SPATA2L: variants seen among roughly 807,000 people sequenced by gnomAD.
SPATA2L encodes the protein spermatogenesis associated 2 like.
SPATA2L carries 5 observed loss-of-function variants against 8.7 expected under a neutral mutation model. The ratio of observed to expected loss-of-function variants is 0.57; its 90% CI spans 0.30 to 1.21. The LOEUF (loss-of-function observed/expected upper bound fraction) is 1.21, where lower values mean the gene tolerates loss of function less well. SPATA2L is among the 50% of genes most tolerant of loss of function. The pLI is 0.07. For missense variants in SPATA2L, 671 were observed against 591.0 expected (o/e 1.14, Z -1.40); for synonymous variants, 358 against 275.8 (o/e 1.30, Z -2.95).
At chr16:89,699,845 C>T (rs370443431) in intron 2 of SPATA2L, among the ~76,000 whole-genome samples, 2 of 152,216 alleles carry the variant, frequency 1.3e-5, no homozygotes, top group Non-Finnish European at 2.9e-5. Flanking sequence ...CCACCGCGCC[C>T]GGCCTGGCTG....
rs771975034 is a variant in SPATA2L, at chr16:89,697,678, A to G, written c.931T>C (p.Ser311Pro). The change falls in exon 3 of 3, where the codon TCT (serine) becomes CCT (proline). Residue 311 changes from serine (S) to proline (P), a missense_variant. By Grantham distance (74) the Ser-to-Pro change is moderately conservative. Transcript: ENST00000289805. ...GGCCTACTCAGCTCACGGCGCAGAG[A>G]GAGGAAGGAGAAGGCGGAAGGTTCA... ...EPEPSAFSFL[S>P]LRRELSRPGD... 9 of 1,611,594 alleles carry G rather than the reference A, an allele frequency of 5.6e-6. No individual in the cohort carries two copies. The Admixed American group carries it at 1.3e-4, about 24-fold the overall frequency.
chr16:89,696,513 T>C lies in SPATA2L; in HGVS notation c.*821A>G, dbSNP rs465552. The C allele has an allele frequency of 0.99, 393,915 of 398,872 alleles. 194,568 individuals carry two copies. Among genetic ancestry groups the C allele is most frequent in the East Asian group, 1 (24,608 of 24,608 alleles). The allele number at this position is 398,872 out of a possible 1,614,324, so 24.7% of individuals were successfully genotyped here. The stretch of plus-strand genomic sequence containing the variant: ...CTGTCACAGTGGATGCACCCTGCCC[T>C]CTCCCTCGCCAGACCCGAGGGTAGG... On this transcript the variant is annotated 3_prime_UTR_variant, in exon 3 of 3. Coordinates refer to ENST00000289805, the MANE Select transcript of SPATA2L (RefSeq NM_152339.4).
chr16:89,697,848 G>A lies in SPATA2L; in HGVS notation c.761C>T (p.Pro254Leu), dbSNP rs1271711854. 14 of 1,609,542 alleles carry A rather than the reference G, an allele frequency of 8.7e-6. No individual in the cohort carries two copies. Among genetic ancestry groups the A allele is most frequent in the South Asian group, 6.6e-5 (6 of 90,706 alleles). The change falls in exon 3 of 3, where the codon CCG (proline) becomes CTG (leucine). Residue 254 changes from proline (P) to leucine (L), a missense_variant. Physicochemically the swap from Pro to Leu is moderately conservative, Grantham distance 98. Coordinates refer to ENST00000289805, the MANE Select transcript of SPATA2L (RefSeq NM_152339.4). ...TGGTGGCCTGTAGGCCAGCTCCGCC[G>A]GGGGCGAGTCAGGGCCTGGTGACGG... ...GEPSPGPDSPPAELAYRPPLW... is the reference protein window; with the variant it reads ...GEPSPGPDSPLAELAYRPPLW...
Position 89,698,251 on chromosome 16 carries a change from G to A in SPATA2L, c.358C>T (p.Leu120Phe). 6.2e-7 allele frequency: 1 copy of A among 1,606,324 alleles called. No individual in the cohort carries two copies. Among genetic ancestry groups the A allele is most frequent in the Non-Finnish European group, 8.5e-7 (1 of 1,175,530 alleles). ...CCCATCTTCTGGAAGCTCTTCAGGA[G>A]GAGGTCGTCTGAGAGCACACCCTTC... ...VLKGVLSDDL[L>F]LKSFQKMGYV... The change falls in exon 3 of 3, where the codon CTC (leucine) becomes TTC (phenylalanine). Residue 120 changes from leucine to phenylalanine, a missense_variant. Transcript: ENST00000289805.
chr16:89,698,080 G>A lies in SPATA2L; in HGVS notation c.529C>T (p.Leu177=), dbSNP rs2060748579. ...EVLAQLGTSV[L]PAEELLQARR... ...GCCTGCAGCAGCTCCTCAGCTGGCA[G>A]CACACTGGTGCCCAGCTGGGCCAGC... Residue 177 remains leucine, a synonymous_variant, in exon 3 of 3, where the codon CTG becomes TTG. Coordinates refer to ENST00000289805, the MANE Select transcript of SPATA2L (RefSeq NM_152339.4). 2 of 1,599,538 alleles carry A rather than the reference G, an allele frequency of 1.3e-6. No homozygotes were observed. Among genetic ancestry groups the A allele is most frequent in the Non-Finnish European group, 1.7e-6 (2 of 1,175,174 alleles).
Position 89,697,526 on chromosome 16 carries a change from C to G in SPATA2L, c.1083G>C (p.Leu361=), listed in dbSNP as rs761759856. 2 of 1,593,228 alleles carry G rather than the reference C, an allele frequency of 1.3e-6. No homozygotes were observed. The highest frequency in any genetic ancestry group is 1.1e-5 in the South Asian group (1 of 89,616). ...EPPGYQAHSC[L]SPGALPTLCC... ...AGAGGGTGGGCAGGGCGCCAGGGGA[C>G]AGGCAGCTGTGTGCCTGGTAGCCTG... Residue 361 remains leucine (L), a synonymous_variant, in exon 3 of 3, where the codon CTG becomes CTC. Coordinates refer to ENST00000289805, the MANE Select transcript of SPATA2L (RefSeq NM_152339.4).
In SPATA2L at chr16:89,697,390, G is replaced by T; in HGVS notation, c.1219C>A (p.Leu407Ile). Residue 407 changes from leucine (L) to isoleucine (I), a missense_variant, in exon 3 of 3, where the codon CTA becomes ATA. Coordinates refer to ENST00000289805, the MANE Select transcript of SPATA2L (RefSeq NM_152339.4). ...LLGDAQRRLW[L>I]QRAQMDTLLY... ...AGAGTGTCCATCTGTGCACGCTGTA[G>T]CCACAAGCGCCGCTGGGCGTCGCCA... The T allele has an allele frequency of 1.3e-6, 2 of 1,593,366 alleles. No individual in the cohort carries two copies. Among genetic ancestry groups the T allele is most frequent in the Middle Eastern group, 1.8e-4 (1 of 5,494 alleles).
rs143389215 is a variant in SPATA2L at position 89,697,628 on chromosome 16, G to A, written c.981C>T (p.Ser327=). 6 of 1,606,692 alleles carry A rather than the reference G, an allele frequency of 3.7e-6. No individual in the cohort carries two copies. The African/African-American group carries it at 6.7e-5, about 18-fold the overall frequency. The part of the protein sequence containing the change: ...SRPGDLATPE[S]SAAASPRRIR... Reference sequence around the variant, plus strand: ...TACGCCTCGGGCTGGCCGCTGCAGAGCTTTCAGGGGTGGCCAGGTCCCCAG... The same window carrying A: ...TACGCCTCGGGCTGGCCGCTGCAGAACTTTCAGGGGTGGCCAGGTCCCCAG... The change falls in exon 3 of 3, where the codon AGC becomes AGT. Residue 327 remains serine, a synonymous_variant. Coordinates refer to ENST00000289805, the MANE Select transcript of SPATA2L (RefSeq NM_152339.4).
In SPATA2L at chr16:89,697,313, T is replaced by G. The variant is rs1304387236; in HGVS notation, c.*21A>C. ...CACGGGAGCTGTCTCCCAAGAGCCC[T>G]TGACCTGGGGCCCAGCTGGCCTAGG... On this transcript the variant is annotated 3_prime_UTR_variant, in exon 3 of 3. Coordinates refer to ENST00000289805, the MANE Select transcript of SPATA2L (RefSeq NM_152339.4). The G allele has an allele frequency of 6.7e-7, 1 of 1,490,186 alleles. No homozygotes were observed. Among genetic ancestry groups the G allele is most frequent in the Admixed American group, 2.3e-5 (1 of 43,114 alleles). The allele number at this position is 1,490,186 out of a possible 1,614,324, so 92.3% of individuals were successfully genotyped here. A position where few individuals can be genotyped will look rare whatever the true frequency, so the allele number is the denominator to read the frequency against.
At chr16:89,699,631 A>G (rs1483197978) in intron 2 of SPATA2L, among the ~76,000 whole-genome samples, 3 of 150,492 alleles carry the variant, frequency 2.0e-5, no homozygotes, top group African/African-American at 7.4e-5. Context: ...GCTCACTACA[A>G]CCTCCACCTC....
Position 89,696,841 on chromosome 16 carries a change from C to T in SPATA2L, c.*493G>A. On this transcript the variant is annotated 3_prime_UTR_variant, in exon 3 of 3. Transcript: ENST00000289805. ...CAGGTCAGCCGTGCACCCGGCAGAG[C>T]CCCGCAGATTGGCTCCAGCAGAGCT... is the stretch of plus-strand genomic sequence containing the variant. 1.3e-6 allele frequency: 2 copies of T among 1,535,468 alleles called. No homozygotes were observed. Among genetic ancestry groups the T allele is most frequent in the Non-Finnish European group, 1.7e-6 (2 of 1,146,550 alleles).
chr16:89,696,788 C>G lies in SPATA2L; in HGVS notation c.*546G>C, dbSNP rs1348457781. 1 of 1,534,130 alleles carries G rather than the reference C, an allele frequency of 6.5e-7. No individual in the cohort carries two copies. The highest frequency in any genetic ancestry group is 1.4e-5 in the African/African-American group (1 of 73,004). ...TCTGTGGGCCCAGCTGCTGTGACAC[C>G]CAAGGGGAGGGCCGGCGTCCCCGAA... On this transcript the variant is annotated 3_prime_UTR_variant, in exon 3 of 3. Transcript: ENST00000289805.
chr16:89,697,811 C>G lies in SPATA2L; in HGVS notation c.798G>C (p.Gln266His), dbSNP rs761517640. 31 of 1,603,078 alleles carry G rather than the reference C, an allele frequency of 1.9e-5. No individual in the cohort carries two copies. Among genetic ancestry groups the G allele is most frequent in the East Asian group, 9.1e-5 (4 of 44,170 alleles). The change falls in exon 3 of 3, where the codon CAG becomes CAC. Residue 266 changes from glutamine (Q) to histidine (H), a missense_variant. Coordinates refer to ENST00000289805, the MANE Select transcript of SPATA2L (RefSeq NM_152339.4). ...CCCCAGTGCCCCACAGTTTGGCACT[C>G]TGCTCCCAGAGTGGTGGCCTGTAGG... The part of the protein sequence containing the change: ...ELAYRPPLWE[Q>H]SAKLWGTGGR...
In SPATA2L at chr16:89,697,144, T is replaced by C; in HGVS notation, c.*190A>G. On this transcript the variant is annotated 3_prime_UTR_variant, in exon 3 of 3. Coordinates refer to ENST00000289805, the MANE Select transcript of SPATA2L (RefSeq NM_152339.4). ...AGGCTCCTGCTGGCCGGCTTAGGCC[T>C]GCTGCCCTTGGAGCCTTCCATATAC... 7.3e-7 allele frequency: 1 copy of C among 1,374,984 alleles called. No homozygotes were observed. The highest frequency in any genetic ancestry group is 1.5e-5 in the African/African-American group (1 of 68,618). 85.2% of individuals were successfully genotyped at this position (1,374,984 alleles called of 1,614,324 possible). A position where few individuals can be genotyped will look rare whatever the true frequency, so the allele number is the denominator to read the frequency against.
rs1043478680 is a variant in SPATA2L, at chr16:89,696,361, T to G, written c.*973A>C. 2.9e-5 allele frequency: 6 copies of G among 205,846 alleles called. No individual in the cohort carries two copies. Among genetic ancestry groups the G allele is most frequent in the Non-Finnish European group, 5.9e-5 (6 of 102,138 alleles). The allele number at this position is 205,846 out of a possible 1,614,324, so 12.8% of individuals were successfully genotyped here. A position where few individuals can be genotyped will look rare whatever the true frequency, so the allele number is the denominator to read the frequency against. ...TAAAAGCTTTTTTAACAGACATGGT[T>G]TCACCAGCGTTTAATGTGCTCTGAT... On this transcript the variant is annotated 3_prime_UTR_variant, in exon 3 of 3. Transcript: ENST00000289805.
rs1222894839 is a variant in SPATA2L at position 89,700,917 on chromosome 16, G to T, written c.303+13C>A. On this transcript the variant is annotated intron_variant, in intron 2 of 2. Transcript: ENST00000289805. The stretch of plus-strand genomic sequence containing the variant: ...CAGGACGAGGGGCGCGCTCCTCCTG[G>T]CCTGGCGCCTACCTTGATGGTGGTG... 1.2e-5 allele frequency: 17 copies of T among 1,438,906 alleles called. No homozygotes were observed. The highest frequency in any genetic ancestry group is 1.6e-5 in the Non-Finnish European group (17 of 1,092,082). 89.1% of individuals were successfully genotyped at this position (1,438,906 alleles called of 1,614,324 possible).
chr16:89,698,371 G>C (rs1358815183), intron 2 of SPATA2L, 66 bp from the exon 3 acceptor site: 2 of 1,494,492 alleles, frequency 1.3e-6, no homozygotes, highest in Non-Finnish European at 1.8e-6. Context: ...GGGTACAGTG[G>C]GTCCGGGATC....
In SPATA2L at chr16:89,698,486, T is replaced by C. The variant is rs1372178385; in HGVS notation, c.304-181A>G. Among the ~76,000 whole-genome samples the C allele has an allele frequency of 3.8e-5, 5 of 131,630 alleles. No homozygotes were observed. The East Asian group carries it at 1.1e-3, about 30-fold the overall frequency. The allele number at this position is 131,630 out of a possible 152,430, so 86.4% of individuals were successfully genotyped here. A position where few individuals can be genotyped will look rare whatever the true frequency, so the allele number is the denominator to read the frequency against. ...AACATGATGATTTCTTTTTTTTTTTTTTTTTTTTTTTTTTTTTGAGACAGA... is the reference window on the plus strand; with the variant it reads ...AACATGATGATTTCTTTTTTTTTTTCTTTTTTTTTTTTTTTTTGAGACAGA... On this transcript the variant is annotated intron_variant, in intron 2 of 2. Transcript: ENST00000289805.
chr16:89,697,878 C>T lies in SPATA2L; in HGVS notation c.731G>A (p.Gly244Glu). 6.2e-7 allele frequency: 1 copy of T among 1,611,940 alleles called. No individual in the cohort carries two copies. Among genetic ancestry groups the T allele is most frequent in the Non-Finnish European group, 8.5e-7 (1 of 1,179,744 alleles). The change falls in exon 3 of 3, where the codon GGG becomes GAG. Residue 244 changes from glycine (G) to glutamate (E), a missense_variant. Coordinates refer to ENST00000289805, the MANE Select transcript of SPATA2L (RefSeq NM_152339.4). ...DEGSEDASLYGEPSPGPDSPP... is the reference protein window; with the variant it reads ...DEGSEDASLYEEPSPGPDSPP... ...CGAGTCAGGGCCTGGTGACGGCTCC[C>T]CATACAGGCTGGCGTCCTCCGACCC...
Sources: allele counts gnomAD v4.1 joint callset (sites outside exome capture counted in the v4.1 genomes callset), GRCh38; gene constraint gnomAD v4.1.1; transcripts MANE v1.5; gene names NCBI Gene and HGNC (gene_info 2026-07-23, HGNC 2026-07-21).